The following GLI2 variants were observed in gnomAD, a reference collection of about 807,000 sequenced individuals.
GLI2 encodes the protein GLI family zinc finger 2.
A neutral mutation model predicts 78.9 loss-of-function variants in GLI2; 22 were observed. That is an observed-to-expected ratio of 0.28 (90% CI 0.20 to 0.40). The LOEUF is 0.40. GLI2 is among the 10% of genes least tolerant of loss of function. The pLI is 1.00. For missense variants in GLI2, 2,097 were observed against 2,213.2 expected, an observed-to-expected ratio of 0.95 and a Z score of 1.05; for synonymous variants, 974 against 963.7, an observed-to-expected ratio of 1.01 and a Z score of -0.20.
At chr2:120,886,578 A>G (rs1677424585) in intron 2 of GLI2, among the ~76,000 whole-genome samples, 1 of 152,186 alleles carries the variant, frequency 6.6e-6, no homozygotes, top group Non-Finnish European at 1.5e-5. Flanking sequence ...CAAAGTGTTT[A>G]TGAAAGGGAG....
At position 120,927,615 on chromosome 2, in the gene GLI2, A is replaced by G. The variant is rs151117971; in HGVS notation, c.254+149A>G. The G allele has an allele frequency of 1.3e-4, 92 of 726,296 alleles. No homozygotes were observed. In the East Asian group the frequency reaches 2.1e-3, roughly 16 times the overall value. The allele number at this position is 726,296 out of a possible 1,614,324, so 45.0% of individuals were successfully genotyped here. ...TCCTGAGCGGGCGATCACCTTTGCT[A>G]TCATGGCCTGGGACCCTGTGTGAGC... On this transcript the variant is annotated intron_variant, in intron 3 of 13. Transcript: ENST00000361492.
intron 2 of GLI2, among the ~76,000 whole-genome samples, chr2:120,886,457 A>G (rs1451431993): frequency 1.3e-5 from 2 of 151,938 alleles, no homozygotes; most frequent in African/African-American, 4.8e-5. Context: ...TGTAGAGAAG[A>G]GGTCTCATTA....
chr2:120,900,052 TGGGAACTGCTG>T (rs1678177304), intron 2 of GLI2, among the ~76,000 whole-genome samples: 1 of 152,150 alleles, frequency 6.6e-6, no homozygotes, highest in Non-Finnish European at 1.5e-5. Flanking sequence ...GGGGCCACAC[TGGGAACTGCTG>T]GGGAAAGTTT....
At chr2:120,959,767 A>G (rs891996928) in intron 5 of GLI2, among the ~76,000 whole-genome samples, 10 of 152,108 alleles carry the variant, frequency 6.6e-5, no homozygotes, top group African/African-American at 2.4e-4. Context: ...CCCTCCCGGA[A>G]AGCTCCAGAC....
At chr2:120,758,342 C>T (rs567799737) in intron 1 of GLI2, among the ~76,000 whole-genome samples, 1 of 152,352 alleles carries the variant, frequency 6.6e-6, no homozygotes, top group South Asian at 2.1e-4. Flanking sequence ...TCAGGCTTGC[C>T]AGCAAAGGCA....
chr2:120,933,421 T>A (rs1680038033), intron 3 of GLI2, among the ~76,000 whole-genome samples: 1 of 152,126 alleles, frequency 6.6e-6, no homozygotes, highest in Non-Finnish European at 1.5e-5. Context: ...GGGTGTGTGA[T>A]TGCTGGTCAA....
chr2:120,814,034 A>G (rs975484435), intron 2 of GLI2, among the ~76,000 whole-genome samples: 2 of 151,970 alleles, frequency 1.3e-5, no homozygotes, highest in African/African-American at 2.4e-5. Flanking sequence ...CTGGAGCTTC[A>G]TCCCTGGGGG....
chr2:120,847,629 T>G (rs551516658), intron 2 of GLI2, among the ~76,000 whole-genome samples: 13 of 140,896 alleles, frequency 9.2e-5, no homozygotes, highest in African/African-American at 2.9e-4. Flanking sequence ...GAACTTGGAT[T>G]GGGGGATGGA....
chr2:120,939,418 C>T (rs1680350460), intron 3 of GLI2, among the ~76,000 whole-genome samples: 2 of 152,208 alleles, frequency 1.3e-5, no homozygotes, highest in South Asian at 2.1e-4. Context: ...AATCTCCTGC[C>T]TCAGGTCCTC....
At chr2:120,886,455 A>C (rs890890681) in intron 2 of GLI2, among the ~76,000 whole-genome samples, 13 of 151,924 alleles carry the variant, frequency 8.6e-5, no homozygotes, top group African/African-American at 3.1e-4. Context: ...TTTGTAGAGA[A>C]GAGGTCTCAT....
intron 2 of GLI2, among the ~76,000 whole-genome samples, chr2:120,911,335 T>A (rs1165806806): frequency 6.6e-6 from 1 of 152,176 alleles, no homozygotes. Flanking sequence ...GCTATGAGGA[T>A]GAAATGAGTT....
chr2:120,911,960 T>TTGACTCC (rs1190594553), intron 2 of GLI2, among the ~76,000 whole-genome samples: 5 of 152,152 alleles, frequency 3.3e-5, no homozygotes, highest in African/African-American at 1.2e-4. Flanking sequence ...GCTGGGGCTC[T>TTGACTCC]TGACTCCATT....
chr2:120,918,693 G>A (rs949003971), intron 2 of GLI2, among the ~76,000 whole-genome samples: 6 of 152,098 alleles, frequency 3.9e-5, no homozygotes, highest in South Asian at 2.1e-4. Flanking sequence ...CACCCACCTC[G>A]GCCTCCCAAA....
chr2:120,972,393 G>C (rs1026872544), intron 8 of GLI2, among the ~76,000 whole-genome samples: 1 of 152,224 alleles, frequency 6.6e-6, no homozygotes, highest in African/African-American at 2.4e-5. Flanking sequence ...CCACAGCCTA[G>C]TTGAGTTGCT....
chr2:120,748,146 A>G (rs1042013034), intron 1 of GLI2, among the ~76,000 whole-genome samples: 15 of 152,304 alleles, frequency 9.8e-5, no homozygotes, highest in Middle Eastern at 3.4e-3. Flanking sequence ...CATCATGGGA[A>G]TATTGGCCAG....
rs544245380 is a variant in GLI2 at position 120,938,556 on chromosome 2, C to G, written c.254+11090C>G. Among the ~76,000 whole-genome samples the G allele has an allele frequency of 1.3e-4, 20 of 152,336 alleles. 1 individual carries two copies. The South Asian group carries it at 3.9e-3, about 30-fold the overall frequency. ...GTGTTTACTTAGTAAGAAATCTGCT[C>G]TTTGTCAACTGAAAACGGTGATTTC... On this transcript the variant is annotated intron_variant, in intron 3 of 13. Transcript: ENST00000361492.
At chr2:120,856,265 C>T (rs1333265455) in intron 2 of GLI2, among the ~76,000 whole-genome samples, 2 of 152,196 alleles carry the variant, frequency 1.3e-5, no homozygotes, top group African/African-American at 4.8e-5. Context: ...GGGGTGCCCA[C>T]CTCTAGCAGC....
intron 1 of GLI2, among the ~76,000 whole-genome samples, chr2:120,763,144 C>T (rs1036913040): frequency 6.6e-6 from 1 of 152,180 alleles, no homozygotes; most frequent in Non-Finnish European, 1.5e-5. Flanking sequence ...CTGAATGTGC[C>T]CTTCCTGCCC....
intron 11 of GLI2, among the ~76,000 whole-genome samples, chr2:120,983,503 G>A (rs1014652295): frequency 8.5e-5 from 13 of 152,348 alleles, no homozygotes; most frequent in South Asian, 6.2e-4. Flanking sequence ...TGAGCTTGGC[G>A]TTTGTTGGTA....
Sources: gnomAD v4.1 joint callset for allele counts (sites outside exome capture counted in the v4.1 genomes callset) on GRCh38, gnomAD v4.1.1 for gene constraint, MANE v1.5 for transcripts, NCBI Gene and HGNC (gene_info 2026-07-23, HGNC 2026-07-21) for gene names.